Variants in CMTM1 observed in about 807,000 individuals in gnomAD.
CMTM1 encodes CKLF-like MARVEL transmembrane domain-containing protein 1.
A neutral mutation model predicts 17.8 loss-of-function variants in CMTM1; 16 were observed. The ratio of observed to expected loss-of-function variants is 0.90; its 90% CI spans 0.61 to 1.37. CMTM1 has a LOEUF of 1.37. CMTM1 is among the 40% of genes most tolerant of loss of function. CMTM1 has a pLI of 0.00. For synonymous variants in CMTM1, 169 were observed against 154.6 expected (o/e 1.09, Z -0.69); for missense variants, 354 against 375.6 (o/e 0.94, Z 0.47).
intron 2 of CMTM1, among the ~76,000 whole-genome samples, chr16:66,576,119 G>A (rs1048905923): frequency 6.6e-5 from 10 of 152,122 alleles, no homozygotes; most frequent in Non-Finnish European, 1.2e-4. Flanking sequence ...AGGACTGGCC[G>A]GGCGCGGTGG....
At chr16:66,573,035 C>G (rs182523618) in intron 2 of CMTM1, among the ~76,000 whole-genome samples, 5 of 152,116 alleles carry the variant, frequency 3.3e-5, no homozygotes, top group Non-Finnish European at 7.4e-5. Context: ...TACTCAGTCT[C>G]TGAGTTGCAG....
chr16:66,578,199 A>G (rs1037796778), intron 3 of CMTM1, among the ~76,000 whole-genome samples: 1 of 152,156 alleles, frequency 6.6e-6, no homozygotes. Context: ...TCCCACCCCC[A>G]GGTATCCATT....
In CMTM1 at chr16:66,578,854, CGT is replaced by C. The variant is rs757151291; in HGVS notation, c.719_720del (p.Cys240LeufsTer24). 8.7e-6 allele frequency: 14 copies of C among 1,614,032 alleles called. No homozygotes were observed. Among genetic ancestry groups the C allele is most frequent in the Non-Finnish European group, 8.5e-6 (10 of 1,180,028 alleles). On this transcript the variant is annotated frameshift_variant, in exon 4 of 4. Transcript: ENST00000379500. LOFTEE classifies it low-confidence loss of function (END_TRUNC). ...AGTCCCTGTGTCTCACAGCGGTAAT[CGT>C]GTGTTGCATCGATGCGTTTGTGGTC... ...GGSLCLTAVI[V>X]CCIDAFVVTT...
Position 66,579,106 on chromosome 16 carries a change from T to C in CMTM1, c.*105T>C. ...ACCCATTCCAGCCTAAATGTGACCATAAAATTAGGGCTGCTGCTTTTATCG... is the reference window on the plus strand; with the variant it reads ...ACCCATTCCAGCCTAAATGTGACCACAAAATTAGGGCTGCTGCTTTTATCG... On this transcript the variant is annotated 3_prime_UTR_variant, in exon 4 of 4. Coordinates refer to ENST00000379500, the MANE Select transcript of CMTM1 (RefSeq NM_052999.4). This position sits in a 1 kb window ranked among gnomAD's most constrained non-coding sequence, Gnocchi z 6.5. 7.0e-7 allele frequency: 1 copy of C among 1,427,052 alleles called. No individual in the cohort carries two copies. Among genetic ancestry groups the C allele is most frequent in the Non-Finnish European group, 9.4e-7 (1 of 1,068,088 alleles). The allele number at this position is 1,427,052 out of a possible 1,614,324, so 88.4% of individuals were successfully genotyped here.
intron 2 of CMTM1, chr16:66,571,256 T>G (rs1201477983): frequency 1.8e-5 from 8 of 447,712 alleles, no homozygotes; most frequent in African/African-American, 1.6e-4. Context: ...CCGTGGAAAT[T>G]TTCAAGAAGG....
intron 1 of CMTM1, 40 bp from the exon 2 acceptor site, chr16:66,569,895 TA>T: frequency 6.7e-7 from 1 of 1,490,096 alleles, no homozygotes; most frequent in Non-Finnish European, 9.1e-7. Context: ...TAGATTTTTT[TA>T]AATCATGCAT....
intron 2 of CMTM1, among the ~76,000 whole-genome samples, chr16:66,573,231 G>A (rs2013791679): frequency 6.6e-6 from 1 of 152,052 alleles, no homozygotes; most frequent in African/African-American, 2.4e-5. Context: ...ACTTGAGAGT[G>A]GAATTAAATC....
chr16:66,578,370 C>T (rs552716329), intron 3 of CMTM1, among the ~76,000 whole-genome samples: 1 of 152,354 alleles, frequency 6.6e-6, no homozygotes, highest in East Asian at 1.9e-4. Context: ...CCAGCCTCAA[C>T]TCTGCCCCCT....
In CMTM1 at chr16:66,577,191, T is replaced by A. The variant is rs762627623; in HGVS notation, c.679T>A (p.Tyr227Asn). 1.2e-6 allele frequency: 2 copies of A among 1,613,698 alleles called. No homozygotes were observed. The highest frequency in any genetic ancestry group is 3.3e-5 in the Admixed American group (2 of 60,012). Residue 227 changes from tyrosine (Y) to asparagine (N), a missense_variant, in exon 3 of 4, where the codon TAT becomes AAT. Tyr to Asn is a moderately radical substitution (Grantham distance 143). Transcript: ENST00000379500. Reference sequence around the variant, plus strand: ...AGAAAAGAAAAGAAGGCATTTACTCTATGTCGGGGGGGTAAGTAGAGGCCT... The same window carrying A: ...AGAAAAGAAAAGAAGGCATTTACTCAATGTCGGGGGGGTAAGTAGAGGCCT... ...MQEKKRRHLLYVGGSLCLTAV... is the reference protein window; with the variant it reads ...MQEKKRRHLLNVGGSLCLTAV...
intron 3 of CMTM1, 102 bp from the exon 4 acceptor site, chr16:66,578,729 A>G (rs1409401504): frequency 4.0e-6 from 6 of 1,505,200 alleles, no homozygotes; most frequent in East Asian, 4.6e-5. Context: ...ACAGGAGGCC[A>G]CCCGCAGCGC....
Position 66,577,048 on chromosome 16 carries a change from T to C in CMTM1, c.592-56T>C. On this transcript the variant is annotated intron_variant, in intron 2 of 3. Transcript: ENST00000379500. ...TAGATGTGTAATTGACCAGTTTAAA[T>C]ATTTGTGAAATTATATTGTTGTGTA... is the stretch of plus-strand genomic sequence containing the variant. 2.0e-6 allele frequency: 3 copies of C among 1,514,210 alleles called. No individual in the cohort carries two copies. The South Asian group carries it at 3.5e-5, about 18-fold the overall frequency. 93.8% of individuals were successfully genotyped at this position (1,514,210 alleles called of 1,614,324 possible).
At chr16:66,578,806 C>A (rs1387482681) in intron 3 of CMTM1, 25 bp from the exon 4 acceptor site, 1 of 1,608,456 alleles carries the variant, frequency 6.2e-7, no homozygotes, top group South Asian at 1.1e-5. Context: ...TCTTTCCTTC[C>A]CGCATATGGT....
At chr16:66,571,191 G>A in intron 2 of CMTM1, 1 of 457,354 alleles carries the variant, frequency 2.2e-6, no homozygotes, top group Non-Finnish European at 4.4e-6. Context: ...AATTGAACAT[G>A]TGGAAGACCC....
At chr16:66,577,039 C>T in intron 2 of CMTM1, 65 bp from the exon 3 acceptor site, 2 of 1,432,346 alleles carry the variant, frequency 1.4e-6, no homozygotes, top group African/African-American at 1.4e-5. Flanking sequence ...TGTAATTGAC[C>T]AGTTTAAATA....
At chr16:66,569,560 C>G (rs1053571337) in intron 1 of CMTM1, among the ~76,000 whole-genome samples, 1 of 152,166 alleles carries the variant, frequency 6.6e-6, no homozygotes, top group Non-Finnish European at 1.5e-5. Flanking sequence ...AGATAATCAG[C>G]AGCTGTTTGG....
chr16:66,576,973 G>T (rs2144678646), intron 2 of CMTM1, 131 bp from the exon 3 acceptor site: 2 of 709,070 alleles, frequency 2.8e-6, no homozygotes, highest in Non-Finnish European at 4.6e-6. Flanking sequence ...GCCTCTGAAG[G>T]TTCCTCCTCA....
At position 66,566,714 on chromosome 16, in the gene CMTM1, A is replaced by G. The variant is rs569712351; in HGVS notation, c.201A>G (p.Ala67=). ...GCAGTGCGCAGTCCGCAGCCGCCGC[A>G]CGTCCCCAAGGCAGTGAGGGCACCG... The part of the protein sequence containing the change: ...SIRSAQSAAA[A]RPQGSEGTAP... The change falls in exon 1 of 4, where the codon GCA becomes GCG. Residue 67 remains alanine (A), a synonymous_variant. Transcript: ENST00000379500. The surrounding 1 kb of genome is among the most constrained non-coding windows in gnomAD (Gnocchi z 4.9). The G allele has an allele frequency of 6.2e-7, 1 of 1,613,880 alleles. No individual in the cohort carries two copies. The highest frequency in any genetic ancestry group is 1.1e-5 in the South Asian group (1 of 91,066).
At position 66,566,886 on chromosome 16, in the gene CMTM1, A is replaced by G; in HGVS notation, c.373A>G (p.Arg125Gly). The G allele has an allele frequency of 1.2e-6, 2 of 1,614,022 alleles. No individual in the cohort carries two copies. Among genetic ancestry groups the G allele is most frequent in the South Asian group, 2.2e-5 (2 of 91,078 alleles). The change falls in exon 1 of 4, where the codon AGG (arginine) becomes GGG (glycine). Residue 125 changes from arginine to glycine, a missense_variant. Transcript: ENST00000379500. This position sits in a 1 kb window ranked among gnomAD's most constrained non-coding sequence, Gnocchi z 4.9. The stretch of plus-strand genomic sequence containing the variant: ...CCGAGCCAAAGTCCCGTACAAATTC[A>G]GGGACAGCCTCAAACGTTTCTCCTT... ...EGRAKVPYKF[R>G]DSLKRFSFSP...
intron 2 of CMTM1, chr16:66,571,174 C>T (rs2013471104): frequency 2.2e-6 from 1 of 457,236 alleles, no homozygotes; most frequent in South Asian, 1.5e-5. Flanking sequence ...CAAATATGAG[C>T]AACTTTAATT....
Sources: gnomAD v4.1 joint callset for allele counts (sites outside exome capture counted in the v4.1 genomes callset) on GRCh38, gnomAD v4.1.1 for gene constraint, Gnocchi (gnomAD v3.1) non-coding constraint, MANE v1.5 for transcripts, NCBI Gene and HGNC (gene_info 2026-07-23, HGNC 2026-07-21) for gene names.